The following KCNH8 variants were observed in gnomAD, a reference collection of about 807,000 sequenced individuals.
KCNH8 encodes the protein potassium voltage-gated channel subfamily H member 8.
KCNH8 carries 70 observed loss-of-function variants against 103.6 expected under a neutral mutation model. That is an observed-to-expected ratio of 0.68 (90% CI 0.56 to 0.82). The LOEUF (loss-of-function observed/expected upper bound fraction) is 0.82, where lower values mean the gene tolerates loss of function less well. KCNH8 is among the 40% of genes least tolerant of loss of function. The pLI, the probability that KCNH8 is intolerant of heterozygous loss-of-function variation, is 0.00. For synonymous variants in KCNH8, 498 were observed against 489.4 expected (o/e 1.02, Z -0.23); for missense variants, 1,217 against 1,329.9 (o/e 0.92, Z 1.32).
At chr3:19,267,264 A>G (rs2064525180) in intron 2 of KCNH8, among the ~76,000 whole-genome samples, 1 of 152,096 alleles carries the variant, frequency 6.6e-6, no homozygotes, top group Admixed American at 6.6e-5. Context: ...GATGCCAGCA[A>G]CTTGCACACA....
At chr3:19,502,528 C>A (rs900675030) in intron 11 of KCNH8, among the ~76,000 whole-genome samples, 1 of 152,178 alleles carries the variant, frequency 6.6e-6, no homozygotes, top group Non-Finnish European at 1.5e-5. Flanking sequence ...AACTATACTA[C>A]AAGGCTACAG....
At chr3:19,282,081 T>G (rs1430490872) in intron 3 of KCNH8, among the ~76,000 whole-genome samples, 1 of 152,110 alleles carries the variant, frequency 6.6e-6, no homozygotes, top group African/African-American at 2.4e-5. Flanking sequence ...TTTTTTAGAA[T>G]CAGCTACTTG....
chr3:19,531,898 C>A (rs1428641883), intron 15 of KCNH8, among the ~76,000 whole-genome samples: 1 of 151,828 alleles, frequency 6.6e-6, no homozygotes, highest in Non-Finnish European at 1.5e-5. Flanking sequence ...TTGTGGTTCA[C>A]GATAGTAAAA....
At chr3:19,239,537 G>C (rs1419915449) in intron 1 of KCNH8, among the ~76,000 whole-genome samples, 1 of 152,092 alleles carries the variant, frequency 6.6e-6, no homozygotes, top group Admixed American at 6.5e-5. Flanking sequence ...CACAATTATG[G>C]CTATGCTATG....
intron 11 of KCNH8, among the ~76,000 whole-genome samples, chr3:19,476,941 A>G (rs1048344347): frequency 3.3e-5 from 5 of 152,136 alleles, no homozygotes; most frequent in Non-Finnish European, 7.4e-5. Context: ...ATATATTGTC[A>G]ATGTCTTATT....
chr3:19,260,084 A>G (rs1455428366), intron 2 of KCNH8, among the ~76,000 whole-genome samples: 1 of 151,630 alleles, frequency 6.6e-6, no homozygotes, highest in Non-Finnish European at 1.5e-5. Flanking sequence ...AAATGGGGAA[A>G]CGTGGTGATC....
intron 2 of KCNH8, among the ~76,000 whole-genome samples, chr3:19,267,330 A>G (rs2064526259): frequency 6.6e-6 from 1 of 152,084 alleles, no homozygotes; most frequent in South Asian, 2.1e-4. Context: ...TGAATGTGAA[A>G]AGAATACGTA....
chr3:19,352,995 A>G (rs2065825596), intron 5 of KCNH8, among the ~76,000 whole-genome samples: 1 of 152,154 alleles, frequency 6.6e-6, no homozygotes, highest in South Asian at 2.1e-4. Context: ...TAGCAAGACT[A>G]ATAAAGAAGA....
intron 5 of KCNH8, 60 bp from the exon 6 acceptor site, chr3:19,390,421 A>T: frequency 2.4e-6 from 3 of 1,267,640 alleles, no homozygotes; most frequent in Non-Finnish European, 3.3e-6. Flanking sequence ...TGTCCTTCCT[A>T]CCTTCTTTAT....
chr3:19,466,581 C>T (rs1334433203), intron 11 of KCNH8, among the ~76,000 whole-genome samples: 1 of 149,754 alleles, frequency 6.7e-6, no homozygotes, highest in Admixed American at 6.7e-5. Flanking sequence ...CAAAGCAAAA[C>T]CCTTCACCAA....
intron 12 of KCNH8, 135 bp from the exon 13 acceptor site, chr3:19,512,835 G>A: frequency 2.6e-6 from 2 of 756,838 alleles, no homozygotes; most frequent in Non-Finnish European, 4.3e-6. Flanking sequence ...AACAAAATCT[G>A]CAAAGACTTC....
chr3:19,276,693 T>A (rs577531328), intron 2 of KCNH8, among the ~76,000 whole-genome samples: 3 of 152,144 alleles, frequency 2.0e-5, no homozygotes, highest in Non-Finnish European at 4.4e-5. Flanking sequence ...TGAGTTTTTA[T>A]CTATTGACAA....
At chr3:19,264,523 G>C (rs992911794) in intron 2 of KCNH8, among the ~76,000 whole-genome samples, 3 of 152,184 alleles carry the variant, frequency 2.0e-5, no homozygotes, top group Non-Finnish European at 2.9e-5. Flanking sequence ...CCAGAATGAT[G>C]AGAAGAAAGT....
chr3:19,295,012 T>C (rs576456684), intron 3 of KCNH8, among the ~76,000 whole-genome samples: 13 of 152,180 alleles, frequency 8.5e-5, no homozygotes, highest in South Asian at 2.1e-4. Flanking sequence ...TAAAACATCA[T>C]TTTTGCCCCT....
chr3:19,460,550 C>G (rs1310370767), intron 11 of KCNH8, among the ~76,000 whole-genome samples: 2 of 152,160 alleles, frequency 1.3e-5, no homozygotes, highest in Admixed American at 6.6e-5. Context: ...CCTTTCTCAT[C>G]TCTTCTATTC....
At chr3:19,197,045 C>T (rs984008420) in intron 1 of KCNH8, among the ~76,000 whole-genome samples, 6 of 152,026 alleles carry the variant, frequency 3.9e-5, no homozygotes, top group Non-Finnish European at 7.4e-5. Context: ...CTGTCCAACT[C>T]TGTACATTAG....
rs187090618 is a variant in KCNH8, at chr3:19,488,781, C to T, written c.2041-21582C>T. On this transcript the variant is annotated intron_variant, in intron 11 of 15. Transcript: ENST00000328405. ...ATATATTCTTGGGGGTTTTGGTAAT[C>T]GGCTGGGACATGCTACTCTAGCTAC... 4.6e-5 allele frequency among the ~76,000 whole-genome samples: 7 copies of T among 152,162 alleles called. No homozygotes were observed. In the East Asian group the frequency reaches 7.7e-4, roughly 17 times the overall value.
At chr3:19,409,553 C>T (rs2066744059) in intron 7 of KCNH8, among the ~76,000 whole-genome samples, 1 of 152,116 alleles carries the variant, frequency 6.6e-6, no homozygotes, top group Non-Finnish European at 1.5e-5. Context: ...AAATGATCCA[C>T]TTAAAAGTCA....
chr3:19,286,625 T>C (rs1335292294), intron 3 of KCNH8, among the ~76,000 whole-genome samples: 2 of 152,206 alleles, frequency 1.3e-5, no homozygotes, highest in Non-Finnish European at 2.9e-5. Context: ...TTTAAATTCC[T>C]CATATAAAAT....
Sources: gnomAD v4.1 joint callset for allele counts (sites outside exome capture counted in the v4.1 genomes callset) on GRCh38, gnomAD v4.1.1 for gene constraint, MANE v1.5 for transcripts, NCBI Gene and HGNC (gene_info 2026-07-23, HGNC 2026-07-21) for gene names.